CDH12: variants seen among roughly 807,000 people sequenced by gnomAD.
CDH12 encodes cadherin 12, also known as cadherin-12.
A neutral mutation model predicts 74.1 loss-of-function variants in CDH12; 41 were observed. The ratio of observed to expected loss-of-function variants is 0.55; its 90% CI spans 0.43 to 0.72. The LOEUF is 0.72. CDH12 is among the 30% of genes least tolerant of loss of function. The pLI is 0.00. For synonymous variants in CDH12, 399 were observed against 355.0 expected (o/e 1.12, Z -1.39); for missense variants, 945 against 977.2 (o/e 0.97, Z 0.44).
intron 1 of CDH12, among the ~76,000 whole-genome samples, chr5:22,654,067 G>T (rs1457452031): frequency 3.0e-5 from 3 of 100,040 alleles, no homozygotes; most frequent in Admixed American, 2.6e-4. Context: ...TGTCCTTCCC[G>T]TTCCTTCTCC....
At chr5:22,194,481 G>GC (rs1387887570) in intron 4 of CDH12, among the ~76,000 whole-genome samples, 1 of 151,532 alleles carries the variant, frequency 6.6e-6, no homozygotes, top group East Asian at 1.9e-4. Context: ...ACAAGCGTCC[G>GC]CCCCCATGCC....
At chr5:22,105,711 ATAAAATAAAATAAAG>A (rs1423200816) in intron 4 of CDH12, among the ~76,000 whole-genome samples, 1 of 151,322 alleles carries the variant, frequency 6.6e-6, no homozygotes, top group South Asian at 2.1e-4. Context: ...ATAAAATAAA[ATAAAATAAAATAAAG>A]TAAAATAAAA....
intron 3 of CDH12, among the ~76,000 whole-genome samples, chr5:22,282,325 T>C (rs1295958785): frequency 6.6e-6 from 1 of 152,094 alleles, no homozygotes; most frequent in Non-Finnish European, 1.5e-5. Flanking sequence ...ATTCAGGATA[T>C]AGACATTGGC....
At chr5:22,787,934 A>G (rs577008881) in intron 1 of CDH12, among the ~76,000 whole-genome samples, 64 of 152,312 alleles carry the variant, frequency 4.2e-4, no homozygotes, top group African/African-American at 1.5e-3. Flanking sequence ...GAGATGACAT[A>G]CCAACACTTT....
chr5:22,213,916 T>G (rs1165165039), intron 3 of CDH12, among the ~76,000 whole-genome samples: 1 of 152,000 alleles, frequency 6.6e-6, no homozygotes, highest in Non-Finnish European at 1.5e-5. Flanking sequence ...TTGATGTGTG[T>G]GTGCGTGTGT....
chr5:22,120,412 G>C (rs1184616105), intron 4 of CDH12, among the ~76,000 whole-genome samples: 2 of 152,030 alleles, frequency 1.3e-5, no homozygotes, highest in Non-Finnish European at 2.9e-5. Context: ...ACATGTATGA[G>C]AAAAATTACA....
intron 10 of CDH12, among the ~76,000 whole-genome samples, chr5:21,797,063 A>C (rs1746821450): frequency 6.6e-6 from 1 of 152,104 alleles, no homozygotes; most frequent in South Asian, 2.1e-4. Flanking sequence ...AGCTGGGGCC[A>C]AAGGGTGAGA....
intron 3 of CDH12, among the ~76,000 whole-genome samples, chr5:22,327,428 C>G (rs62351662): frequency 0.023 from 2,378 of 103,338 alleles, 120 homozygotes; most frequent in East Asian, 0.058. Context: ...ATTTGTGCCT[C>G]TGTGTGTGTG....
At chr5:21,933,116 C>T (rs1486904375) in intron 6 of CDH12, among the ~76,000 whole-genome samples, 7 of 151,780 alleles carry the variant, frequency 4.6e-5, no homozygotes. Context: ...TTGACACACA[C>T]GAGAGTTTAA....
intron 1 of CDH12, among the ~76,000 whole-genome samples, chr5:22,697,478 G>A (rs965875824): frequency 6.6e-6 from 1 of 151,364 alleles, no homozygotes; most frequent in African/African-American, 2.4e-5. Flanking sequence ...AGGCTGAGAC[G>A]GGAGAATGGC....
chr5:22,769,607 T>A (rs1388116892), intron 1 of CDH12, among the ~76,000 whole-genome samples: 10 of 151,994 alleles, frequency 6.6e-5, no homozygotes, highest in Non-Finnish European at 1.3e-4. Context: ...TAAACTCCCC[T>A]TCATATATAC....
chr5:22,527,613 A>T (rs905608430), intron 1 of CDH12, among the ~76,000 whole-genome samples: 6 of 152,138 alleles, frequency 3.9e-5, no homozygotes, highest in Non-Finnish European at 7.4e-5. Context: ...AGAGCACTTC[A>T]AAGATGCCAG....
rs1580917981 is a variant in CDH12 at position 22,714,415 on chromosome 5, A to C, written c.-523+138643T>G. Among the ~76,000 whole-genome samples, 3 of 152,270 alleles carry C rather than the reference A, an allele frequency of 2.0e-5. No homozygotes were observed. In the South Asian group the frequency reaches 6.2e-4, roughly 32 times the overall value. On this transcript the variant is annotated intron_variant, in intron 1 of 14. Coordinates refer to ENST00000382254, the MANE Select transcript of CDH12 (RefSeq NM_004061.5). ...CTAGTATAACTCTTTTCATTTGATC[A>C]CCAGCCTCTTTCAGCGATTACTGGC...
At chr5:21,893,378 A>G (rs927977229) in intron 6 of CDH12, among the ~76,000 whole-genome samples, 1 of 152,196 alleles carries the variant, frequency 6.6e-6, no homozygotes, top group Admixed American at 6.5e-5. Flanking sequence ...AAGTCCAGAA[A>G]GGCATAATGA....
intron 1 of CDH12, among the ~76,000 whole-genome samples, chr5:22,618,791 G>A (rs1737814337): frequency 6.6e-6 from 1 of 151,992 alleles, no homozygotes; most frequent in African/African-American, 2.4e-5. Flanking sequence ...GTCATGGGAG[G>A]GACCTAGTAG....
intron 6 of CDH12, among the ~76,000 whole-genome samples, chr5:21,961,471 T>C (rs1226863109): frequency 2.6e-5 from 4 of 152,106 alleles, no homozygotes; most frequent in African/African-American, 9.7e-5. Context: ...TTAATTTGAG[T>C]GCGTTATGGG....
chr5:21,986,553 T>G (rs1180677703), intron 5 of CDH12, among the ~76,000 whole-genome samples: 4 of 152,192 alleles, frequency 2.6e-5, no homozygotes, highest in African/African-American at 9.6e-5. Flanking sequence ...TTTCCAACAT[T>G]GTAAAACATA....
intron 1 of CDH12, among the ~76,000 whole-genome samples, chr5:22,633,035 C>T (rs1738665090): frequency 6.6e-6 from 1 of 152,100 alleles, no homozygotes; most frequent in Non-Finnish European, 1.5e-5. Context: ...ACAATGGATG[C>T]CAGGAGGCAG....
At chr5:22,261,986 C>G (rs1176025680) in intron 3 of CDH12, among the ~76,000 whole-genome samples, 1 of 151,928 alleles carries the variant, frequency 6.6e-6, no homozygotes, top group East Asian at 1.9e-4. Context: ...CTTTCTGAAA[C>G]CATTTAAAAA....
Sources: gnomAD v4.1 joint callset for allele counts (sites outside exome capture counted in the v4.1 genomes callset) on GRCh38, gnomAD v4.1.1 for gene constraint, MANE v1.5 for transcripts, NCBI Gene and HGNC (gene_info 2026-07-23, HGNC 2026-07-21) for gene names.